The following AFG2A variants were observed in gnomAD, a reference collection of about 807,000 sequenced individuals.
AFG2A encodes the protein AAA ATPase AFG2A.
the AFG2A span, among the ~76,000 whole-genome samples, chr4:122,938,413 TAGA>T: frequency 6.6e-6 from 1 of 152,242 alleles, no homozygotes. Context: ...TTTGCTTTAG[TAGA>T]TTACTTAGTA....
At chr4:122,923,144 T>A in the AFG2A span, 2 of 1,614,082 alleles carry the variant, frequency 1.2e-6, no homozygotes, top group Non-Finnish European at 1.7e-6. Flanking sequence ...CTTGTGACCA[T>A]GTCTTCCAAG....
the AFG2A span, among the ~76,000 whole-genome samples, chr4:123,200,639 G>A: frequency 1.3e-5 from 2 of 152,310 alleles, no homozygotes; most frequent in Admixed American, 6.5e-5. Context: ...GAGTTTGGTT[G>A]CACTGAGAAG....
chr4:123,309,443 G>A, the AFG2A span, among the ~76,000 whole-genome samples: 1 of 152,102 alleles, frequency 6.6e-6, no homozygotes, highest in East Asian at 1.9e-4. Flanking sequence ...AGTACAGAAC[G>A]CTCACAACCT....
chr4:123,272,610 T>G, the AFG2A span, among the ~76,000 whole-genome samples: 5 of 152,104 alleles, frequency 3.3e-5, no homozygotes, highest in Non-Finnish European at 4.4e-5. Flanking sequence ...TGCAGAAGCT[T>G]ATAAAAGCAC....
At chr4:123,161,558 T>G in the AFG2A span, among the ~76,000 whole-genome samples, 1 of 152,210 alleles carries the variant, frequency 6.6e-6, no homozygotes, top group African/African-American at 2.4e-5. Flanking sequence ...GGATGGTATC[T>G]TCTAATTGCA....
the AFG2A span, among the ~76,000 whole-genome samples, chr4:123,012,721 A>G: frequency 6.6e-6 from 1 of 152,202 alleles, no homozygotes; most frequent in African/African-American, 2.4e-5. Flanking sequence ...GGCGAGACTG[A>G]AGTGTGGCAC....
the AFG2A span, among the ~76,000 whole-genome samples, chr4:123,043,629 A>G: frequency 6.6e-6 from 1 of 152,220 alleles, no homozygotes; most frequent in Non-Finnish European, 1.5e-5. Context: ...TATCAGTGTT[A>G]TATTTTTTAC....
At chr4:123,280,672 T>A in the AFG2A span, among the ~76,000 whole-genome samples, 2 of 152,232 alleles carry the variant, frequency 1.3e-5, no homozygotes. Flanking sequence ...GTTTCTGACC[T>A]ATGCCTCCCT....
the AFG2A span, among the ~76,000 whole-genome samples, chr4:122,997,912 T>G: frequency 1.3e-5 from 2 of 152,208 alleles, no homozygotes; most frequent in Non-Finnish European, 2.9e-5. Context: ...GAGCATCTTT[T>G]CATTTGCTTA....
the AFG2A span, among the ~76,000 whole-genome samples, chr4:123,304,410 C>G: frequency 6.6e-6 from 1 of 152,118 alleles, no homozygotes; most frequent in Non-Finnish European, 1.5e-5. Flanking sequence ...CTACTGGGTT[C>G]CTAATCCCTC....
the AFG2A span, among the ~76,000 whole-genome samples, chr4:123,086,896 G>C: frequency 4.0e-5 from 6 of 151,832 alleles, no homozygotes; most frequent in African/African-American, 7.3e-5. Flanking sequence ...CTTTTTTATA[G>C]CATTTCTTTT....
chr4:123,074,095 A>ATTTTTTTTTTTTTTTTTTTTTTTTT, the AFG2A span, among the ~76,000 whole-genome samples: 1 of 102,052 alleles, frequency 9.8e-6, no homozygotes, highest in African/African-American at 3.4e-5. Flanking sequence ...CTCAGATAGT[A>ATTTTTTTTTTTTTTTTTTTTTTTTT]TTTTTTTTTT....
chr4:123,227,033 A>G, the AFG2A span, among the ~76,000 whole-genome samples: 2 of 152,096 alleles, frequency 1.3e-5, no homozygotes, highest in Middle Eastern at 3.2e-3. Flanking sequence ...GGTAGTTTGT[A>G]TTTCTGTGGG....
At chr4:123,244,260 T>G in the AFG2A span, among the ~76,000 whole-genome samples, 4 of 152,170 alleles carry the variant, frequency 2.6e-5, no homozygotes, top group African/African-American at 9.7e-5. Flanking sequence ...ACAGCCCTGC[T>G]GCACTCTGGT....
At chr4:123,198,128 G>A in the AFG2A span, among the ~76,000 whole-genome samples, 1 of 152,036 alleles carries the variant, frequency 6.6e-6, no homozygotes, top group African/African-American at 2.4e-5. Flanking sequence ...AATTAGCTGG[G>A]CATGGTGGTG....
the AFG2A span, among the ~76,000 whole-genome samples, chr4:122,938,736 A>G: frequency 0.012 from 1,766 of 152,128 alleles, 49 homozygotes; most frequent in South Asian, 0.11. Context: ...GACTACAGGC[A>G]TGCACCATCA....
At chr4:123,232,759 C>T in the AFG2A span, among the ~76,000 whole-genome samples, 1 of 151,898 alleles carries the variant, frequency 6.6e-6, no homozygotes, top group East Asian at 1.9e-4. Context: ...GATTGCAGTG[C>T]AATGTTATGT....
chr4:123,274,427 A>T, the AFG2A span, among the ~76,000 whole-genome samples: 1 of 151,606 alleles, frequency 6.6e-6, no homozygotes, highest in African/African-American at 2.4e-5. Context: ...GAAAACATTG[A>T]CTCTTAACCA....
At chr4:122,943,840 A>G in the AFG2A span, among the ~76,000 whole-genome samples, 2 of 152,092 alleles carry the variant, frequency 1.3e-5, no homozygotes, top group African/African-American at 2.4e-5. Context: ...GGTGGTGACA[A>G]AATCTCTCAG....
Sources: gnomAD v4.1 joint callset for allele counts (sites outside exome capture counted in the v4.1 genomes callset) on GRCh38, gnomAD v4.1.1 for gene constraint, MANE v1.5 for transcripts, NCBI Gene and HGNC (gene_info 2026-07-23, HGNC 2026-07-21) for gene names.